Variants in ZNF391 observed in about 807,000 individuals in gnomAD.
ZNF391 encodes zinc finger protein 391.
For missense variants in ZNF391, 375 were observed against 425.5 expected (o/e 0.88, Z 1.04); for synonymous variants, 126 against 142.1 (o/e 0.89, Z 0.80).
At chr6:27,394,339 G>A (rs986516248) in intron 1 of ZNF391, among the ~76,000 whole-genome samples, 2 of 152,224 alleles carry the variant, frequency 1.3e-5, no homozygotes, top group African/African-American at 4.8e-5. Context: ...TGGTTGCTCA[G>A]GCTCCAGCCA....
At chr6:27,387,874 G>T (rs1761610081), upstream of ZNF391, among the ~76,000 whole-genome samples, 1 of 152,152 alleles carries the variant, frequency 6.6e-6, no homozygotes, top group Admixed American at 6.5e-5. Context: ...GTTGTGCATA[G>T]TTTACCACAG....
chr6:27,392,428 A>G (rs1237159353), intron 1 of ZNF391, among the ~76,000 whole-genome samples: 1 of 151,974 alleles, frequency 6.6e-6, no homozygotes, highest in Non-Finnish European at 1.5e-5. Flanking sequence ...GCTAATTTTT[A>G]TATTTGTATT....
Position 27,402,482 on chromosome 6 carries a change from T to C in ZNF391, c.*1035T>C, listed in dbSNP as rs987680890. On this transcript the variant is annotated 3_prime_UTR_variant, in exon 3 of 3. Coordinates refer to ENST00000244576, the MANE Select transcript of ZNF391 (RefSeq NM_001076781.3). ...CTACCTCTCAGCATTTCTTTGATTG[T>C]CAATGATCAGCTCTGTGATTTGGGG... 1.3e-5 allele frequency: 2 copies of C among 152,222 alleles called. No homozygotes were observed. Among genetic ancestry groups the C allele is most frequent in the African/African-American group, 4.8e-5 (2 of 41,456 alleles). 9.4% of individuals were successfully genotyped at this position (152,222 alleles called of 1,614,324 possible).
chr6:27,400,276 C>T lies in ZNF391; in HGVS notation c.-78-17C>T, dbSNP rs370886006. On this transcript the variant is annotated splice_polypyrimidine_tract_variant and intron_variant, in intron 2 of 2. Coordinates refer to ENST00000244576, the MANE Select transcript of ZNF391 (RefSeq NM_001076781.3). ...ATAGTAGATACAGATGACATTTACA[C>T]TTTAAATGTCTTTCAGATAGGGGGA... is the stretch of plus-strand genomic sequence containing the variant. 203 of 1,005,920 alleles carry T rather than the reference C, an allele frequency of 2.0e-4. 1 individual carries two copies. In the East Asian group the frequency reaches 2.7e-3, roughly 14 times the overall value. The allele number at this position is 1,005,920 out of a possible 1,614,324, so 62.3% of individuals were successfully genotyped here. A position where few individuals can be genotyped will look rare whatever the true frequency, so the allele number is the denominator to read the frequency against.
intron 1 of ZNF391, among the ~76,000 whole-genome samples, chr6:27,379,082 A>G (rs1218979929): frequency 6.6e-6 from 1 of 152,260 alleles, no homozygotes; most frequent in Non-Finnish European, 1.5e-5. Context: ...TGACCTTTAC[A>G]TACTCAAACT....
intron 1 of ZNF391, among the ~76,000 whole-genome samples, chr6:27,381,419 A>C (rs2143059): frequency 1.3e-5 from 2 of 151,756 alleles, no homozygotes; most frequent in African/African-American, 2.4e-5. Flanking sequence ...GCGCAGCCCC[A>C]GTTCCCGCTC....
chr6:27,379,132 A>G (rs1429192474), intron 1 of ZNF391, among the ~76,000 whole-genome samples: 1 of 152,252 alleles, frequency 6.6e-6, no homozygotes, highest in Admixed American at 6.5e-5. Context: ...TAAAACTACA[A>G]GGTCATTAAC....
intron 1 of ZNF391, among the ~76,000 whole-genome samples, chr6:27,389,912 G>A (rs9468112): frequency 0.71 from 108,288 of 152,040 alleles, 38,771 homozygotes; most frequent in Middle Eastern, 0.82. Flanking sequence ...TATTTGTTGT[G>A]GGTGTATTGA....
At position 27,400,430 on chromosome 6, in the gene ZNF391, C is replaced by T. The variant is rs41269263; in HGVS notation, c.60C>T (p.Asn20=). 43,848 of 1,613,884 alleles carry T rather than the reference C, an allele frequency of 0.027. 683 individuals are homozygous for T. The highest frequency in any genetic ancestry group is 0.035 in the Middle Eastern group (214 of 6,062). ...QGPTNEEDYK[N]EGQLSRQTKC... ...CTACAAATGAAGAAGACTATAAAAA[C>T]GAAGGCCAATTATCAAGGCAAACAA... Residue 20 remains asparagine, a synonymous_variant, in exon 3 of 3, where the codon AAC becomes AAT. Coordinates refer to ENST00000244576, the MANE Select transcript of ZNF391 (RefSeq NM_001076781.3).
At chr6:27,398,643 G>A (rs1342498544) in intron 1 of ZNF391, among the ~76,000 whole-genome samples, 1 of 152,144 alleles carries the variant, frequency 6.6e-6, no homozygotes, top group Non-Finnish European at 1.5e-5. Context: ...TGGATCACGA[G>A]GTCAGGAGAT....
At chr6:27,391,162 T>G (rs1761702387) in intron 1 of ZNF391, 1 of 151,134 alleles carries the variant, frequency 6.6e-6, no homozygotes, top group African/African-American at 2.4e-5. Flanking sequence ...TTTCTTTATA[T>G]CTGAGAGGAG....
At chr6:27,389,288 G>C (rs1432093795) in intron 1 of ZNF391, 1 of 456,118 alleles carries the variant, frequency 2.2e-6, no homozygotes, top group Admixed American at 2.4e-5. Flanking sequence ...GGTTTTCCCC[G>C]GGTGTATCCC....
chr6:27,387,698 A>T (rs1254489508), upstream of ZNF391, among the ~76,000 whole-genome samples: 1 of 152,224 alleles, frequency 6.6e-6, no homozygotes, highest in Non-Finnish European at 1.5e-5. Flanking sequence ...ATTCATAGAA[A>T]CATAGTGTAA....
At chr6:27,384,463 C>CAAA (rs149396774), upstream of ZNF391, among the ~76,000 whole-genome samples, 17 of 121,428 alleles carry the variant, frequency 1.4e-4, no homozygotes, top group African/African-American at 3.7e-4. Flanking sequence ...GACTCTATCT[C>CAAA]AAAAAAAAAA....
chr6:27,385,208 A>C (rs1761569139), upstream of ZNF391, among the ~76,000 whole-genome samples: 1 of 96,970 alleles, frequency 1.0e-5, no homozygotes, highest in Non-Finnish European at 2.3e-5. Flanking sequence ...TAAAGGGTTC[A>C]ATTAAAACAA....
chr6:27,395,823 C>T (rs1232339825), intron 1 of ZNF391, among the ~76,000 whole-genome samples: 1 of 152,074 alleles, frequency 6.6e-6, no homozygotes, highest in Non-Finnish European at 1.5e-5. Flanking sequence ...TTCATAATGC[C>T]TCCAAAAACT....
At chr6:27,383,523 G>A (rs772209961) in intron 1 of ZNF391, among the ~76,000 whole-genome samples, 1 of 152,192 alleles carries the variant, frequency 6.6e-6, no homozygotes, top group East Asian at 1.9e-4. Context: ...GAAAGTCTGA[G>A]ATCAGGGTGA....
intron 1 of ZNF391, 123 bp downstream of exon 1, chr6:27,389,198 C>T (rs560180835): frequency 4.3e-4 from 198 of 456,624 alleles, no homozygotes; most frequent in African/African-American, 3.7e-3. Context: ...TGGGACGCCG[C>T]GTGGCGTGGG....
intron 1 of ZNF391, among the ~76,000 whole-genome samples, chr6:27,393,042 A>G (rs988012891): frequency 2.0e-5 from 3 of 152,208 alleles, no homozygotes; most frequent in African/African-American, 2.4e-5. Context: ...CTAGGTAGAA[A>G]GTTTCCCTAG....
Sources: allele counts gnomAD v4.1 joint callset (sites outside exome capture counted in the v4.1 genomes callset), GRCh38; gene constraint gnomAD v4.1.1; transcripts MANE v1.5; gene names NCBI Gene and HGNC (gene_info 2026-07-23, HGNC 2026-07-21).